HDAC4: variants seen among roughly 807,000 people sequenced by gnomAD.
HDAC4 encodes histone deacetylase 4.
Under a neutral mutation model 135.1 loss-of-function variants are expected in HDAC4, and 16 were observed. The observed-to-expected ratio is 0.12, with a 90% CI of 0.08 to 0.18. The LOEUF (loss-of-function observed/expected upper bound fraction) is 0.18, where lower values mean the gene tolerates loss of function less well. HDAC4 is among the 10% of genes least tolerant of loss of function. The probability of loss-of-function intolerance (pLI) is 1.00; values close to 1 mark genes in which losing one functional copy is unlikely to be tolerated. For synonymous variants in HDAC4, 685 were observed against 653.4 expected (o/e 1.05, Z -0.74); for missense variants, 1,143 against 1,511.8 (o/e 0.76, Z 4.05).
chr2:239,206,392 G>A (rs1009946350), intron 3 of HDAC4, among the ~76,000 whole-genome samples: 51 of 147,422 alleles, frequency 3.5e-4, no homozygotes, highest in African/African-American at 1.2e-3. Flanking sequence ...GCACACATAC[G>A]TGCACACACA....
At chr2:239,273,542 G>A (rs1333902389) in intron 2 of HDAC4, among the ~76,000 whole-genome samples, 1 of 152,318 alleles carries the variant, frequency 6.6e-6, no homozygotes, top group East Asian at 1.9e-4. Flanking sequence ...CCCCAGGAAG[G>A]AAGGAATGAA....
intron 2 of HDAC4, among the ~76,000 whole-genome samples, chr2:239,292,106 A>G (rs555436181): frequency 6.6e-6 from 1 of 152,144 alleles, no homozygotes; most frequent in Non-Finnish European, 1.5e-5. Context: ...CGGCCACGCC[A>G]GGGGCTGTGC....
chr2:239,134,959 A>T (rs1426382238), intron 9 of HDAC4, among the ~76,000 whole-genome samples: 2 of 152,234 alleles, frequency 1.3e-5, no homozygotes, highest in African/African-American at 2.4e-5. Context: ...AGGCTAATAT[A>T]GTTTACAATG....
intron 8 of HDAC4, chr2:239,140,859 C>G (rs760134950): frequency 2.4e-6 from 1 of 417,524 alleles, no homozygotes; most frequent in South Asian, 1.7e-5. Flanking sequence ...GACGCAGGTG[C>G]CCACTCATGC....
Position 239,146,168 on chromosome 2 carries a change from G to A in HDAC4, c.734-1454C>T, listed in dbSNP as rs1022149589. 6.6e-6 allele frequency among the ~76,000 whole-genome samples: 1 copy of A among 152,212 alleles called. No individual in the cohort carries two copies. The highest frequency in any genetic ancestry group is 1.5e-5 in the Non-Finnish European group (1 of 68,030). ...CCTAACACAACCGACCGAGGCAAGC[G>A]TAGATTCACAAGCTCCACTTCTATT... is the stretch of plus-strand genomic sequence containing the variant. On this transcript the variant is annotated intron_variant, in intron 7 of 26. Transcript: ENST00000543185. This position sits in a 1 kb window ranked among gnomAD's most constrained non-coding sequence, Gnocchi z 4.5.
At chr2:239,149,764 G>A (rs1028720340) in intron 7 of HDAC4, among the ~76,000 whole-genome samples, 4 of 152,064 alleles carry the variant, frequency 2.6e-5, no homozygotes, top group African/African-American at 9.7e-5. Context: ...TGACGGTGAC[G>A]GCACTGCTCA....
intron 7 of HDAC4, among the ~76,000 whole-genome samples, chr2:239,155,753 T>C (rs1289448195): frequency 6.6e-6 from 1 of 152,188 alleles, no homozygotes; most frequent in African/African-American, 2.4e-5. Context: ...GCGGTGCCCC[T>C]AGGCTCTCAT....
chr2:239,149,276 T>C (rs1010989064), intron 7 of HDAC4, among the ~76,000 whole-genome samples: 11 of 151,866 alleles, frequency 7.2e-5, no homozygotes, highest in African/African-American at 2.4e-4. Context: ...TAGTGGCACC[T>C]GTAGTCCCAG....
In HDAC4 at chr2:239,345,936, AACAC is replaced by A. The variant is rs921864801; in HGVS notation, c.22+6738_22+6741del. ...TCACACACGTGCACTCACTCTAACA[AACAC>A]ACACATCCTAACACACATACACACC... On this transcript the variant is annotated intron_variant, in intron 2 of 26. Coordinates refer to ENST00000543185, the MANE Select transcript of HDAC4 (RefSeq NM_001378414.1). Among the ~76,000 whole-genome samples the A allele has an allele frequency of 3.2e-4, 47 of 145,364 alleles. 1 individual carries two copies. Among genetic ancestry groups the A allele is most frequent in the African/African-American group, 1.2e-3 (47 of 38,498 alleles).
chr2:239,184,382 TC>T (rs1226129478), intron 4 of HDAC4, among the ~76,000 whole-genome samples: 1 of 119,070 alleles, frequency 8.4e-6, no homozygotes, highest in Non-Finnish European at 1.7e-5. Context: ...TGAGGGGGGG[TC>T]CCCCAGTGTC....
At chr2:239,064,580 G>A (rs1398074381) in intron 24 of HDAC4, among the ~76,000 whole-genome samples, 1 of 152,208 alleles carries the variant, frequency 6.6e-6, no homozygotes, top group Non-Finnish European at 1.5e-5. Context: ...ATAAGACCCT[G>A]CTCTCAAGAG....
chr2:239,096,179 C>T (rs879873529), intron 16 of HDAC4, among the ~76,000 whole-genome samples: 3 of 152,114 alleles, frequency 2.0e-5, no homozygotes, highest in East Asian at 1.9e-4. Flanking sequence ...GAGGGCTTGC[C>T]GGCCCGGTTA....
At chr2:239,189,536 C>T (rs900583938) in intron 4 of HDAC4, among the ~76,000 whole-genome samples, 2 of 152,234 alleles carry the variant, frequency 1.3e-5, no homozygotes, top group South Asian at 4.1e-4. Context: ...GGTAGCTTTT[C>T]TATTTCTGAG....
At position 239,051,758 on chromosome 2, in the gene HDAC4, T is replaced by C. The variant is rs79925675; in HGVS notation, c.*1339A>G. On this transcript the variant is annotated 3_prime_UTR_variant, in exon 27 of 27. Coordinates refer to ENST00000543185, the MANE Select transcript of HDAC4 (RefSeq NM_001378414.1). ...TCTGGAGCTTGAGAAAACATGAATTTCAATCAATCAGGATCCCTTTCCATA... is the reference window on the plus strand; with the variant it reads ...TCTGGAGCTTGAGAAAACATGAATTCCAATCAATCAGGATCCCTTTCCATA... 19,536 of 152,414 alleles carry C rather than the reference T, an allele frequency of 0.13. 1,354 individuals are homozygous for C. Among genetic ancestry groups the C allele is most frequent in the Non-Finnish European group, 0.16 (10,618 of 68,002 alleles). The allele number at this position is 152,414 out of a possible 1,614,324, so 9.4% of individuals were successfully genotyped here. A position where few individuals can be genotyped will look rare whatever the true frequency, so the allele number is the denominator to read the frequency against.
At chr2:239,284,390 T>G (rs1234372197) in intron 2 of HDAC4, among the ~76,000 whole-genome samples, 2 of 152,174 alleles carry the variant, frequency 1.3e-5, no homozygotes, top group African/African-American at 2.4e-5. Context: ...GACCCAGTGA[T>G]GGCCAACAGC....
chr2:239,057,102 T>C (rs1269642668), intron 24 of HDAC4, among the ~76,000 whole-genome samples: 3 of 152,200 alleles, frequency 2.0e-5, no homozygotes, highest in Non-Finnish European at 4.4e-5. Context: ...TGGACCAGCA[T>C]TGGTTTCTAA....
intron 3 of HDAC4, among the ~76,000 whole-genome samples, chr2:239,230,368 C>CAAAAAAAAAAAAAAAAAAAACAAAAAAAA (rs2047474758): frequency 1.3e-5 from 1 of 79,394 alleles, no homozygotes. Context: ...AGCAAGCAAG[C>CAAAAAAAAAAAAAAAAAAAACAAAAAAAA]AAAAAAAAAA....
intron 2 of HDAC4, among the ~76,000 whole-genome samples, chr2:239,328,236 G>A (rs2053527174): frequency 6.6e-6 from 1 of 152,218 alleles, no homozygotes; most frequent in Non-Finnish European, 1.5e-5. Flanking sequence ...GGTAACCCAG[G>A]ACTGTGGGGA....
chr2:239,231,556 G>T (rs1268071483), intron 3 of HDAC4, among the ~76,000 whole-genome samples: 1 of 152,252 alleles, frequency 6.6e-6, no homozygotes, highest in Non-Finnish European at 1.5e-5. Context: ...TTAACAGTAA[G>T]TCCTTCATCC....
Sources: allele counts gnomAD v4.1 joint callset (sites outside exome capture counted in the v4.1 genomes callset), GRCh38; gene constraint gnomAD v4.1.1; non-coding constraint Gnocchi (gnomAD v3.1); transcripts MANE v1.5; gene names NCBI Gene and HGNC (gene_info 2026-07-23, HGNC 2026-07-21).